PLBD1: variants seen among roughly 807,000 people sequenced by gnomAD.
PLBD1 encodes the protein phospholipase B domain containing 1, also known as lysosomal leucine aminopeptidase.
PLBD1 carries 60 observed loss-of-function variants against 63.0 expected under a neutral mutation model. The observed-to-expected ratio is 0.95, with a 90% CI of 0.77 to 1.18. The LOEUF is 1.18. Ranked by LOEUF, PLBD1 falls within the 50% of genes most tolerant of loss-of-function variation. The pLI is 0.00. For synonymous variants in PLBD1, 262 were observed against 248.0 expected, an observed-to-expected ratio of 1.06 and a Z score of -0.53; for missense variants, 598 against 677.9, an observed-to-expected ratio of 0.88 and a Z score of 1.31.
chr12:14,556,098 C>T (rs557644155), intron 1 of PLBD1, among the ~76,000 whole-genome samples: 1 of 152,324 alleles, frequency 6.6e-6, no homozygotes, highest in Admixed American at 6.5e-5. Context: ...GAAGCCATTA[C>T]ACATGTGCTC....
intron 8 of PLBD1, among the ~76,000 whole-genome samples, chr12:14,509,880 A>C (rs544393311): frequency 6.6e-6 from 1 of 152,228 alleles, no homozygotes; most frequent in Non-Finnish European, 1.5e-5. Flanking sequence ...CAATAAATCT[A>C]TCTATTTATC....
intron 2 of PLBD1, among the ~76,000 whole-genome samples, chr12:14,547,072 G>A (rs891692658): frequency 2.6e-5 from 4 of 151,938 alleles, no homozygotes; most frequent in Non-Finnish European, 5.9e-5. Context: ...TAGACATAGG[G>A]TTTCACCATG....
At chr12:14,540,499 C>G (rs1438674933) in intron 4 of PLBD1, among the ~76,000 whole-genome samples, 1 of 152,070 alleles carries the variant, frequency 6.6e-6, no homozygotes, top group Admixed American at 6.6e-5. Context: ...CCAGTACATT[C>G]ATACTATGCT....
chr12:14,558,019 G>A (rs930898519), intron 1 of PLBD1, among the ~76,000 whole-genome samples: 2 of 146,144 alleles, frequency 1.4e-5, no homozygotes, highest in African/African-American at 2.6e-5. Context: ...AGAAATTGTG[G>A]TACATATACA....
chr12:14,550,576 C>T (rs1482703299), intron 2 of PLBD1, among the ~76,000 whole-genome samples: 5 of 151,986 alleles, frequency 3.3e-5, no homozygotes, highest in African/African-American at 1.2e-4. Flanking sequence ...GAGACCTCAT[C>T]TCTACTAAAA....
chr12:14,544,411 T>G (rs1945600410), intron 2 of PLBD1, among the ~76,000 whole-genome samples: 1 of 152,168 alleles, frequency 6.6e-6, no homozygotes, highest in Admixed American at 6.6e-5. Context: ...TGACCTCAGG[T>G]GATCCACCCA....
intron 1 of PLBD1, among the ~76,000 whole-genome samples, chr12:14,557,947 A>G (rs1945718227): frequency 6.6e-6 from 1 of 151,982 alleles, no homozygotes; most frequent in Non-Finnish European, 1.5e-5. Context: ...TCATTGCAGC[A>G]TTATTCACAA....
In PLBD1 at chr12:14,528,420, A is replaced by T. The variant is rs980801843; in HGVS notation, c.844+7239T>A. 2.8e-5 allele frequency among the ~76,000 whole-genome samples: 4 copies of T among 141,720 alleles called. No homozygotes were observed. In the East Asian group the frequency reaches 9.7e-4, roughly 34 times the overall value. 93.0% of individuals were successfully genotyped at this position (141,720 alleles called of 152,430 possible). A position where few individuals can be genotyped will look rare whatever the true frequency, so the allele number is the denominator to read the frequency against. On this transcript the variant is annotated intron_variant, in intron 6 of 10. Transcript: ENST00000240617. ...CAGAATAAATTAGAAAATGCAATTAAATTGGAAAACAGTGACAAAGATCTG... is the reference window on the plus strand; with the variant it reads ...CAGAATAAATTAGAAAATGCAATTATATTGGAAAACAGTGACAAAGATCTG...
At chr12:14,543,180 G>C (rs1299719370) in intron 2 of PLBD1, among the ~76,000 whole-genome samples, 1 of 151,448 alleles carries the variant, frequency 6.6e-6, no homozygotes, top group South Asian at 2.1e-4. Context: ...TCTTTGTTTA[G>C]ATAATACTTT....
At position 14,540,800 on chromosome 12, in the gene PLBD1, T is replaced by C; in HGVS notation, c.522A>G (p.Val174=). The C allele has an allele frequency of 6.2e-7, 1 of 1,609,650 alleles. No individual in the cohort carries two copies. The change falls in exon 4 of 11, where the codon GTA becomes GTG. Residue 174 remains valine, a synonymous_variant. Coordinates refer to ENST00000240617, the MANE Select transcript of PLBD1 (RefSeq NM_024829.6). ...CTAATATAGCCCTCTTCTTTGCTCC[T>C]ACATAGAGGCCATCTATTTGTGCCA... ...YVMAQIDGLY[V]GAKKRAILEG... is the part of the protein sequence containing the mutation.
intron 5 of PLBD1, among the ~76,000 whole-genome samples, chr12:14,536,314 C>A (rs1945514132): frequency 6.6e-6 from 1 of 152,030 alleles, no homozygotes; most frequent in Non-Finnish European, 1.5e-5. Flanking sequence ...CAAAACAAAA[C>A]AAAATGGAAG....
At chr12:14,540,447 C>T (rs1387033133) in intron 4 of PLBD1, among the ~76,000 whole-genome samples, 1 of 151,918 alleles carries the variant, frequency 6.6e-6, no homozygotes, top group African/African-American at 2.4e-5. Context: ...TCTTAATGAG[C>T]ATGCAGTCTA....
rs766832669 is a variant in PLBD1 at position 14,511,729 on chromosome 12, A to G, written c.845-18T>C. ...CAAAAACCCTACAGGAAAGACAAATATACACATCAGCATATGTATACATGG... is the reference window on the plus strand; with the variant it reads ...CAAAAACCCTACAGGAAAGACAAATGTACACATCAGCATATGTATACATGG... On this transcript the variant is annotated intron_variant, in intron 6 of 10. Coordinates refer to ENST00000240617, the MANE Select transcript of PLBD1 (RefSeq NM_024829.6). 17 of 1,601,416 alleles carry G rather than the reference A, an allele frequency of 1.1e-5. No individual in the cohort carries two copies. The highest frequency in any genetic ancestry group is 6.7e-5 in the Admixed American group (4 of 59,936).
rs560635913 is a variant in PLBD1, at chr12:14,537,542, G to C, written c.559-832C>G. 3.9e-5 allele frequency among the ~76,000 whole-genome samples: 6 copies of C among 152,296 alleles called. No homozygotes were observed. The South Asian group carries it at 1.2e-3, about 32-fold the overall frequency. ...AACTAAGATGCTTTTGGTTTTGATT[G>C]TGTGTTTACTATAAGACTAACTGAC... On this transcript the variant is annotated intron_variant, in intron 4 of 10. Transcript: ENST00000240617.
chr12:14,544,603 T>A (rs1945602666), intron 2 of PLBD1, among the ~76,000 whole-genome samples: 2 of 152,220 alleles, frequency 1.3e-5, no homozygotes, highest in Admixed American at 1.3e-4. Context: ...AATTGCTATG[T>A]CTAATAACAG....
At chr12:14,563,234 T>G (rs910954682) in intron 1 of PLBD1, among the ~76,000 whole-genome samples, 4 of 152,104 alleles carry the variant, frequency 2.6e-5, no homozygotes, top group Non-Finnish European at 4.4e-5. Flanking sequence ...AATGTTCAAG[T>G]TGGGACTGGG....
intron 1 of PLBD1, among the ~76,000 whole-genome samples, chr12:14,560,895 C>T (rs887082220): frequency 5.3e-5 from 8 of 152,074 alleles, no homozygotes; most frequent in African/African-American, 4.8e-5. Context: ...GGACTAGCCT[C>T]GGAAATCTTC....
At chr12:14,544,162 T>C (rs1426686838) in intron 2 of PLBD1, among the ~76,000 whole-genome samples, 2 of 152,206 alleles carry the variant, frequency 1.3e-5, no homozygotes, top group African/African-American at 4.8e-5. Flanking sequence ...TAAAAGGCTG[T>C]GTCTTCCAAC....
intron 3 of PLBD1, among the ~76,000 whole-genome samples, chr12:14,541,977 T>C (rs747740399): frequency 5.9e-5 from 9 of 152,338 alleles, no homozygotes; most frequent in South Asian, 4.1e-4. Context: ...GTGTTAGCAA[T>C]TGAGTATGCG....
Sources: gnomAD v4.1 joint callset for allele counts (sites outside exome capture counted in the v4.1 genomes callset) on GRCh38, gnomAD v4.1.1 for gene constraint, MANE v1.5 for transcripts, NCBI Gene and HGNC (gene_info 2026-07-23, HGNC 2026-07-21) for gene names.